ZZEF1: variants seen among roughly 807,000 people sequenced by gnomAD.
ZZEF1 encodes zinc finger ZZ-type and EF-hand domain-containing protein 1.
A neutral mutation model predicts 342.8 loss-of-function variants in ZZEF1; 157 were observed. That is an observed-to-expected ratio of 0.46 (90% CI 0.40 to 0.52). The LOEUF is 0.52. ZZEF1 is among the 20% of genes least tolerant of loss of function. ZZEF1 has a pLI of 0.00. For missense variants in ZZEF1, 3,480 were observed against 3,725.6 expected, an observed-to-expected ratio of 0.93 and a Z score of 1.72; for synonymous variants, 1,505 against 1,429.1, an observed-to-expected ratio of 1.05 and a Z score of -1.20.
At chr17:4,030,673 T>G (rs1260652687) in intron 42 of ZZEF1, among the ~76,000 whole-genome samples, 1 of 152,182 alleles carries the variant, frequency 6.6e-6, no homozygotes, top group African/African-American at 2.4e-5. Context: ...CTACTTATTT[T>G]ATGTAGTGAT....
At chr17:4,055,602 C>G (rs1033093040) in intron 33 of ZZEF1, among the ~76,000 whole-genome samples, 2 of 152,178 alleles carry the variant, frequency 1.3e-5, no homozygotes, top group African/African-American at 4.8e-5. Flanking sequence ...ATGTGCTGCT[C>G]CAAGGACACT....
At chr17:4,104,570 G>A in intron 8 of ZZEF1, 63 bp downstream of exon 8, 1 of 1,572,986 alleles carries the variant, frequency 6.4e-7, no homozygotes, top group Non-Finnish European at 8.7e-7. Flanking sequence ...ATATGGCGAA[G>A]AATGGTTTTA....
intron 25 of ZZEF1, 56 bp from the exon 26 acceptor site, chr17:4,070,980 T>G (rs575261476): frequency 1.3e-6 from 2 of 1,578,028 alleles, no homozygotes; most frequent in East Asian, 2.2e-5. Flanking sequence ...AAAATAAAAT[T>G]TATTGAGCAA....
intron 2 of ZZEF1, among the ~76,000 whole-genome samples, chr17:4,123,280 T>C (rs2058516214): frequency 1.1e-5 from 1 of 92,756 alleles, no homozygotes; most frequent in Non-Finnish European, 2.3e-5. Flanking sequence ...TATATATATA[T>C]ATATATATAT....
intron 29 of ZZEF1, 70 bp from the exon 30 acceptor site, chr17:4,062,987 C>G (rs976368022): frequency 4.0e-6 from 6 of 1,484,398 alleles, no homozygotes; most frequent in Non-Finnish European, 3.6e-6. Flanking sequence ...AATATCCCCG[C>G]CAAAGCCCTG....
chr17:4,047,681 G>A (rs1249567849), intron 37 of ZZEF1, among the ~76,000 whole-genome samples: 5 of 148,368 alleles, frequency 3.4e-5, no homozygotes, highest in South Asian at 4.3e-4. Context: ...AGTGGCTCAC[G>A]CCTGTAATCC....
intron 42 of ZZEF1, among the ~76,000 whole-genome samples, chr17:4,030,117 G>T (rs1302443781): frequency 2.0e-5 from 3 of 151,542 alleles, no homozygotes; most frequent in African/African-American, 7.3e-5. Context: ...AATTTATCTG[G>T]GCAGTAATCA....
intron 18 of ZZEF1, 115 bp downstream of exon 18, chr17:4,081,261 A>C: frequency 1.1e-6 from 1 of 877,014 alleles, no homozygotes; most frequent in Non-Finnish European, 1.8e-6. Flanking sequence ...AACAGAAAAA[A>C]CCACAACAAA....
At chr17:4,012,544 G>A (rs1230597971) in intron 52 of ZZEF1, among the ~76,000 whole-genome samples, 3 of 152,166 alleles carry the variant, frequency 2.0e-5, no homozygotes, top group Non-Finnish European at 2.9e-5. Flanking sequence ...CAAGGAGGGT[G>A]GGGGCCAGGC....
intron 14 of ZZEF1, among the ~76,000 whole-genome samples, chr17:4,087,035 C>T (rs762420568): frequency 1.3e-4 from 20 of 152,192 alleles, no homozygotes; most frequent in Admixed American, 3.3e-4. Flanking sequence ...GTGCCCACCA[C>T]CACACCCAGC....
chr17:4,024,480 T>C (rs1023451678), intron 43 of ZZEF1, among the ~76,000 whole-genome samples: 1 of 152,178 alleles, frequency 6.6e-6, no homozygotes, highest in Non-Finnish European at 1.5e-5. Context: ...ATTACTGCTG[T>C]GAGCCACTGT....
chr17:4,115,990 A>C (rs1208911923), intron 3 of ZZEF1, among the ~76,000 whole-genome samples: 1 of 152,128 alleles, frequency 6.6e-6, no homozygotes, highest in Admixed American at 6.6e-5. Flanking sequence ...GAACTTTTTG[A>C]TCATCTGAAA....
At chr17:4,035,676 G>C (rs1342594688) in intron 39 of ZZEF1, among the ~76,000 whole-genome samples, 1 of 152,224 alleles carries the variant, frequency 6.6e-6, no homozygotes, top group African/African-American at 2.4e-5. Flanking sequence ...ATCTGCGCGG[G>C]GAGTTCACCC....
Position 4,034,134 on chromosome 17 carries a change from T to C in ZZEF1, c.6465A>G (p.Ala2155=). 6.2e-7 allele frequency: 1 copy of C among 1,614,146 alleles called. No homozygotes were observed. Among genetic ancestry groups the C allele is most frequent in the Non-Finnish European group, 8.5e-7 (1 of 1,180,012 alleles). The change falls in exon 40 of 55, where the codon GCA becomes GCG. Residue 2155 remains alanine (A), a synonymous_variant. Coordinates refer to ENST00000381638, the MANE Select transcript of ZZEF1 (RefSeq NM_015113.4). ...IRLLPAEVDA[A]VIKVLSAKHN... is the part of the protein sequence containing the mutation. ...GTTTGGCTGAGAGGACTTTGATCACTGCGGCGTCTACCTCTGCTGGCAAAA... is the reference window on the plus strand; with the variant it reads ...GTTTGGCTGAGAGGACTTTGATCACCGCGGCGTCTACCTCTGCTGGCAAAA...
At chr17:4,040,981 G>A (rs1299575401) in intron 39 of ZZEF1, among the ~76,000 whole-genome samples, 1 of 152,178 alleles carries the variant, frequency 6.6e-6, no homozygotes, top group Non-Finnish European at 1.5e-5. Context: ...AGGCAGCTGA[G>A]GCAGCTAAAG....
rs1597836815 is a variant in ZZEF1, at chr17:4,064,709, T to C, written c.4370A>G (p.Asn1457Ser). 3 of 1,614,208 alleles carry C rather than the reference T, an allele frequency of 1.9e-6. No homozygotes were observed. Among genetic ancestry groups the C allele is most frequent in the Non-Finnish European group, 2.5e-6 (3 of 1,180,040 alleles). The stretch of plus-strand genomic sequence containing the variant: ...CACAGAGCTTGTCCTCTGACGCTTG[T>C]TGAGTGGCTGGAGATGACTGGTTTC... ...ADETSHLQPL[N>S]KRQRTSSVVE... The change falls in exon 29 of 55, where the codon AAC becomes AGC. Residue 1457 changes from asparagine to serine, a missense_variant. This residue lies in a region of ZZEF1 where 1,528 missense variants were observed against 1,624.1 expected (regional missense o/e 0.94). Coordinates refer to ENST00000381638, the MANE Select transcript of ZZEF1 (RefSeq NM_015113.4).
At chr17:4,052,880 G>GC (rs1448650946) in intron 34 of ZZEF1, among the ~76,000 whole-genome samples, 1 of 151,482 alleles carries the variant, frequency 6.6e-6, no homozygotes, top group Non-Finnish European at 1.5e-5. Flanking sequence ...AGGGCGGCGG[G>GC]GGAGAAAAAA....
At chr17:4,130,173 G>C (rs1406216757) in intron 1 of ZZEF1, among the ~76,000 whole-genome samples, 1 of 152,166 alleles carries the variant, frequency 6.6e-6, no homozygotes, top group Non-Finnish European at 1.5e-5. Context: ...AAAATATGAG[G>C]TTGGGCACGG....
chr17:4,074,592 A>G lies in ZZEF1; in HGVS notation c.3484-241T>C, dbSNP rs190513637. Among the ~76,000 whole-genome samples, 455 of 152,322 alleles carry G rather than the reference A, an allele frequency of 3.0e-3. 12 individuals are homozygous for G. Among genetic ancestry groups the G allele is most frequent in the Non-Finnish European group, 7.8e-4 (53 of 68,026 alleles). ...TCAGCTTTCTACACCTGGGGTGACC[A>G]TCTGTCCACTACCGACTCAGCCAGT... is the stretch of plus-strand genomic sequence containing the variant. On this transcript the variant is annotated intron_variant, in intron 23 of 54. Transcript: ENST00000381638.
Sources: gnomAD v4.1 joint callset for allele counts (sites outside exome capture counted in the v4.1 genomes callset) on GRCh38, gnomAD v4.1.1 for gene constraint, gnomAD v4.1.1 regional missense constraint, MANE v1.5 for transcripts, NCBI Gene and HGNC (gene_info 2026-07-23, HGNC 2026-07-21) for gene names.